CELF4: variants seen among roughly 807,000 people sequenced by gnomAD.
The protein encoded by CELF4 is CUGBP Elav-like family member 4.
A neutral mutation model predicts 59.9 loss-of-function variants in CELF4; 18 were observed. That is an observed-to-expected ratio of 0.30 (90% CI 0.21 to 0.45). The LOEUF (loss-of-function observed/expected upper bound fraction) is 0.45. CELF4 is among the 20% of genes least tolerant of loss of function. The pLI, the probability that CELF4 is intolerant of heterozygous loss-of-function variation, is 1.00. For synonymous variants in CELF4, 261 were observed against 267.1 expected, an observed-to-expected ratio of 0.98 and a Z score of 0.22; for missense variants, 456 against 689.0, an observed-to-expected ratio of 0.66 and a Z score of 3.79.
intron 2 of CELF4, among the ~76,000 whole-genome samples, chr18:37,433,168 T>A (rs2154600850): frequency 6.6e-6 from 1 of 152,260 alleles, no homozygotes; most frequent in East Asian, 1.9e-4. Context: ...AATGGCCCCC[T>A]CTTCCCCAAG....
intron 2 of CELF4, among the ~76,000 whole-genome samples, chr18:37,467,741 C>G (rs187410769): frequency 2.8e-3 from 426 of 152,306 alleles, no homozygotes; most frequent in African/African-American, 9.7e-3. Flanking sequence ...GGACCTTGTC[C>G]AAACTGCTCT....
chr18:37,436,854 A>C (rs2099694397), intron 2 of CELF4, among the ~76,000 whole-genome samples: 1 of 152,238 alleles, frequency 6.6e-6, no homozygotes, highest in Non-Finnish European at 1.5e-5. Context: ...GTCTATTCCC[A>C]GCACAATTCC....
At chr18:37,418,787 A>G (rs761576084) in intron 2 of CELF4, among the ~76,000 whole-genome samples, 17 of 152,260 alleles carry the variant, frequency 1.1e-4, no homozygotes, top group Non-Finnish European at 1.9e-4. Context: ...ACTAATGCTC[A>G]GAGAGATTCA....
At chr18:37,343,196 G>C (rs1286343503) in intron 2 of CELF4, among the ~76,000 whole-genome samples, 1 of 152,190 alleles carries the variant, frequency 6.6e-6, no homozygotes, top group Admixed American at 6.5e-5. Flanking sequence ...CTGAATTTTA[G>C]TTGGTGAGAA....
At chr18:37,452,312 T>C (rs1201854519) in intron 2 of CELF4, among the ~76,000 whole-genome samples, 1 of 152,008 alleles carries the variant, frequency 6.6e-6, no homozygotes, top group Non-Finnish European at 1.5e-5. Flanking sequence ...CTCACAACCC[T>C]TGAGGCCAGG....
intron 2 of CELF4, among the ~76,000 whole-genome samples, chr18:37,365,706 G>C (rs1255773259): frequency 6.6e-6 from 1 of 151,910 alleles, no homozygotes; most frequent in African/African-American, 2.4e-5. Context: ...GACTGGTCTC[G>C]AACTCCTGAC....
At chr18:37,539,175 TCA>T (rs1320449360) in intron 1 of CELF4, among the ~76,000 whole-genome samples, 2 of 152,232 alleles carry the variant, frequency 1.3e-5, no homozygotes, top group African/African-American at 2.4e-5. Flanking sequence ...TATTAATAGC[TCA>T]CAGTGTGCTG....
intron 2 of CELF4, among the ~76,000 whole-genome samples, chr18:37,414,193 TCTA>T (rs920393297): frequency 4.8e-4 from 3 of 6,220 alleles, no homozygotes; most frequent in African/African-American, 1.2e-3. Context: ...CATTCATTCA[TCTA>T]TCTATCTATC....
chr18:37,257,613 A>G (rs1431195715), intron 11 of CELF4, among the ~76,000 whole-genome samples: 2 of 152,114 alleles, frequency 1.3e-5, no homozygotes, highest in Non-Finnish European at 2.9e-5. Flanking sequence ...TGGACTCCAG[A>G]CTGGAAACTC....
intron 1 of CELF4, among the ~76,000 whole-genome samples, chr18:37,492,920 C>T (rs902100077): frequency 1.3e-5 from 2 of 152,134 alleles, no homozygotes; most frequent in African/African-American, 2.4e-5. Flanking sequence ...GTCTGTGCCT[C>T]TCTCTCTGCT....
intron 1 of CELF4, among the ~76,000 whole-genome samples, chr18:37,502,993 A>G (rs1231858523): frequency 6.6e-6 from 1 of 152,214 alleles, no homozygotes; most frequent in Non-Finnish European, 1.5e-5. Context: ...GCCTCACAGT[A>G]CCAGGTCGGG....
chr18:37,528,684 AC>A (rs2099966405), intron 1 of CELF4, among the ~76,000 whole-genome samples: 1 of 152,064 alleles, frequency 6.6e-6, no homozygotes, highest in South Asian at 2.1e-4. Flanking sequence ...AGGAAACTGC[AC>A]CTTCTGGAGA....
intron 3 of CELF4, among the ~76,000 whole-genome samples, chr18:37,317,279 C>T (rs2154513507): frequency 6.6e-6 from 1 of 152,286 alleles, no homozygotes; most frequent in East Asian, 1.9e-4. Context: ...CCCAGCTACT[C>T]CGGAGGCTGA....
At chr18:37,555,897 T>C (rs369425833) in intron 1 of CELF4, among the ~76,000 whole-genome samples, 6 of 152,074 alleles carry the variant, frequency 3.9e-5, no homozygotes, top group Admixed American at 3.9e-4. Context: ...GCTTGTGTGG[T>C]GAATGTATGT....
intron 1 of CELF4, among the ~76,000 whole-genome samples, chr18:37,565,132 T>C (rs988568955): frequency 2.0e-5 from 3 of 152,114 alleles, no homozygotes; most frequent in Non-Finnish European, 4.4e-5. Flanking sequence ...GCTCTCTCCA[T>C]GGCATCGTTC....
At chr18:37,259,888 A>G (rs1250220208) in intron 10 of CELF4, among the ~76,000 whole-genome samples, 1 of 152,194 alleles carries the variant, frequency 6.6e-6, no homozygotes, top group Non-Finnish European at 1.5e-5. Flanking sequence ...GTGCGTAGGA[A>G]GCGCTGCAAC....
rs1046936960 is a variant in CELF4, at chr18:37,253,433, G to T, written c.*44+334C>A. 1.3e-5 allele frequency among the ~76,000 whole-genome samples: 2 copies of T among 152,162 alleles called. No homozygotes were observed. The highest frequency in any genetic ancestry group is 2.9e-5 in the Non-Finnish European group (2 of 68,024). ...TTCTGCCCCCAACCTCCCTCAGCCT[G>T]AGCTTGCCACCTGTTCACCCCAGGG... On this transcript the variant is annotated intron_variant, in intron 12 of 12. Transcript: ENST00000420428. The surrounding 1 kb of genome is among the most constrained non-coding windows in gnomAD (Gnocchi z 4.5).
chr18:37,333,221 G>A (rs2097616377), intron 2 of CELF4, among the ~76,000 whole-genome samples: 1 of 152,136 alleles, frequency 6.6e-6, no homozygotes, highest in Admixed American at 6.5e-5. Context: ...CCCTCATGGG[G>A]TGTGGAGGGG....
rs190093679 is a variant in CELF4, at chr18:37,422,340, G to A, written c.369+63185C>T. Among the ~76,000 whole-genome samples, 58 of 152,308 alleles carry A rather than the reference G, an allele frequency of 3.8e-4. 1 individual carries two copies. The highest frequency in any genetic ancestry group is 2.5e-3 in the Admixed American group (39 of 15,300). Reference sequence around the variant, plus strand: ...AAACACAGCTGCATTTCCCTGTTTCGGCCATGTGGTCAGTGAAACAAACAA... The same window carrying A: ...AAACACAGCTGCATTTCCCTGTTTCAGCCATGTGGTCAGTGAAACAAACAA... On this transcript the variant is annotated intron_variant, in intron 2 of 12. Transcript: ENST00000420428.
Sources: allele counts gnomAD v4.1 joint callset (sites outside exome capture counted in the v4.1 genomes callset), GRCh38; gene constraint gnomAD v4.1.1; non-coding constraint Gnocchi (gnomAD v3.1); transcripts MANE v1.5; gene names NCBI Gene and HGNC (gene_info 2026-07-23, HGNC 2026-07-21).